ADRA1A: variants seen among roughly 807,000 people sequenced by gnomAD.
ADRA1A encodes the protein alpha-1A adrenergic receptor.
ADRA1A carries 31 observed loss-of-function variants against 29.6 expected under a neutral mutation model. The ratio of observed to expected loss-of-function variants is 1.05; its 90% CI spans 0.79 to 1.41. ADRA1A has a LOEUF of 1.41. Among genes scored for constraint, ADRA1A ranks in the 40% most tolerant of loss-of-function variants. The pLI is 0.00. For missense variants in ADRA1A, 619 were observed against 601.1 expected (o/e 1.03, Z -0.31); for synonymous variants, 311 against 254.3 (o/e 1.22, Z -2.12).
Position 26,770,764 on chromosome 8 carries a change from C to T in ADRA1A, c.884-98G>A, listed in dbSNP as rs1004322839. 169 of 1,455,398 alleles carry T rather than the reference C, an allele frequency of 1.2e-4. No individual in the cohort carries two copies. The East Asian group carries it at 2.1e-3, about 18-fold the overall frequency. The allele number at this position is 1,455,398 out of a possible 1,614,324, so 90.2% of individuals were successfully genotyped here. Reference sequence around the variant, plus strand: ...ACAGACATCTTTCTGTATTTTTAAACGGTTAAAATGATCCCAAACACATAT... The same window carrying T: ...ACAGACATCTTTCTGTATTTTTAAATGGTTAAAATGATCCCAAACACATAT... On this transcript the variant is annotated intron_variant, in intron 2 of 2. Transcript: ENST00000380573.
At position 26,775,180 on chromosome 8, in the gene ADRA1A, C is replaced by T. The variant is rs1303541778; in HGVS notation, c.884-4514G>A. Among the ~76,000 whole-genome samples, 1 of 152,116 alleles carries T rather than the reference C, an allele frequency of 6.6e-6. No homozygotes were observed. The highest frequency in any genetic ancestry group is 2.4e-5 in the African/African-American group (1 of 41,416). On this transcript the variant is annotated intron_variant, in intron 2 of 2. Coordinates refer to ENST00000380573, the MANE Select transcript of ADRA1A (RefSeq NM_000680.4). This position sits in a 1 kb window ranked among gnomAD's most constrained non-coding sequence, Gnocchi z 4.1. ...TCCTAGTTTTTGCTGCATGAATGGC[C>T]GACCTTCTGACAGACGGATGGACTG...
chr8:26,835,497 T>C (rs990633706), intron 2 of ADRA1A, among the ~76,000 whole-genome samples: 2 of 152,168 alleles, frequency 1.3e-5, no homozygotes, highest in Non-Finnish European at 2.9e-5. Flanking sequence ...AACACATCCT[T>C]CTTCACAGCG....
At chr8:26,829,181 G>A (rs1244669589) in intron 2 of ADRA1A, among the ~76,000 whole-genome samples, 1 of 151,998 alleles carries the variant, frequency 6.6e-6, no homozygotes, top group African/African-American at 2.4e-5. Flanking sequence ...ACAATGCTCG[G>A]GAGACTCACC....
chr8:26,801,094 G>A (rs186666428), intron 2 of ADRA1A, among the ~76,000 whole-genome samples: 1 of 152,004 alleles, frequency 6.6e-6, no homozygotes, highest in Non-Finnish European at 1.5e-5. Flanking sequence ...ATGATAAAAA[G>A]CCTCAAAAAA....
Position 26,866,260 on chromosome 8 carries a change from C to T in ADRA1A, c.-686-605G>A, listed in dbSNP as rs1043413800. On this transcript the variant is annotated intron_variant, in intron 1 of 2. Transcript: ENST00000380573. The surrounding 1 kb of genome is among the most constrained non-coding windows in gnomAD (Gnocchi z 5.7). ...TTGAGAGCCAGGTCCCGAGCGAAGC[C>T]GGGAGGGACCCGAAGACAGAAAGCG... Among the ~76,000 whole-genome samples, 1 of 151,864 alleles carries T rather than the reference C, an allele frequency of 6.6e-6. No homozygotes were observed. Among genetic ancestry groups the T allele is most frequent in the African/African-American group, 2.4e-5 (1 of 41,378 alleles).
intron 2 of ADRA1A, among the ~76,000 whole-genome samples, chr8:26,861,501 C>T (rs539483475): frequency 1.3e-5 from 2 of 152,036 alleles, no homozygotes; most frequent in Non-Finnish European, 2.9e-5. Flanking sequence ...TCTTGTCAAC[C>T]TCTCCATTCT....
downstream of ADRA1A, among the ~76,000 whole-genome samples, chr8:26,754,418 T>C (rs1805060246): frequency 6.6e-6 from 1 of 152,012 alleles, no homozygotes; most frequent in Non-Finnish European, 1.5e-5. Flanking sequence ...GTCGACCAAA[T>C]ACCAAACCTG....
intron 2 of ADRA1A, among the ~76,000 whole-genome samples, chr8:26,822,658 A>T (rs965527508): frequency 1.7e-4 from 26 of 152,358 alleles, no homozygotes; most frequent in African/African-American, 5.8e-4. Flanking sequence ...GATGGTTTAG[A>T]TACAGGCTGT....
At chr8:26,776,309 T>C (rs1263399598) in intron 2 of ADRA1A, among the ~76,000 whole-genome samples, 1 of 152,252 alleles carries the variant, frequency 6.6e-6, no homozygotes, top group Non-Finnish European at 1.5e-5. Context: ...AGCTGAAAGC[T>C]GTGAGTCAGT....
intron 2 of ADRA1A, among the ~76,000 whole-genome samples, chr8:26,826,378 G>A (rs115314478): frequency 0.056 from 8,590 of 152,286 alleles, 762 homozygotes; most frequent in African/African-American, 0.2. Context: ...GGCAATGGCA[G>A]GGTCACATTA....
chr8:26,818,169 G>T (rs557034334), intron 2 of ADRA1A, among the ~76,000 whole-genome samples: 30 of 152,312 alleles, frequency 2.0e-4, no homozygotes, highest in African/African-American at 6.5e-4. Flanking sequence ...AAGGATGGGG[G>T]TGGACAGACG....
chr8:26,761,659 G>T (rs1386384743), downstream of ADRA1A, among the ~76,000 whole-genome samples: 2 of 152,212 alleles, frequency 1.3e-5, no homozygotes, highest in African/African-American at 2.4e-5. Context: ...CTCCAGAATG[G>T]TGAGGCAATG....
Position 26,802,159 on chromosome 8 carries a change from G to A in ADRA1A, c.884-31493C>T, listed in dbSNP as rs535158256. 1.8e-4 allele frequency among the ~76,000 whole-genome samples: 27 copies of A among 152,172 alleles called. 1 individual carries two copies. In the South Asian group the frequency reaches 5.6e-3, roughly 32 times the overall value. On this transcript the variant is annotated intron_variant, in intron 2 of 2. Transcript: ENST00000380573. Reference sequence around the variant, plus strand: ...TCAGAGAAACTCTCCAGGACGTTGGGCTGGCATACATTTATTGAGTAATAT... The same window carrying A: ...TCAGAGAAACTCTCCAGGACGTTGGACTGGCATACATTTATTGAGTAATAT...
chr8:26,846,467 T>C (rs1179689946), intron 2 of ADRA1A, among the ~76,000 whole-genome samples: 1 of 152,138 alleles, frequency 6.6e-6, no homozygotes, highest in African/African-American at 2.4e-5. Flanking sequence ...ATTGTGACAC[T>C]ATGACAGAAA....
At position 26,806,386 on chromosome 8, in the gene ADRA1A, C is replaced by A. The variant is rs1808984586; in HGVS notation, c.884-35720G>T. 6.6e-6 allele frequency among the ~76,000 whole-genome samples: 1 copy of A among 151,684 alleles called. No homozygotes were observed. The highest frequency in any genetic ancestry group is 2.1e-4 in the South Asian group (1 of 4,794). On this transcript the variant is annotated intron_variant, in intron 2 of 2. Transcript: ENST00000380573. The surrounding 1 kb of genome is among the most constrained non-coding windows in gnomAD (Gnocchi z 4.6). ...AGCAGGGTGCAAAAAGCCCTTTATCCTGTTAATAGTGGCCTTAGGTAAGGA... is the reference window on the plus strand; with the variant it reads ...AGCAGGGTGCAAAAAGCCCTTTATCATGTTAATAGTGGCCTTAGGTAAGGA...
chr8:26,766,146 C>T (rs1438309457), downstream of ADRA1A: 1 of 1,602,760 alleles, frequency 6.2e-7, no homozygotes, highest in East Asian at 2.2e-5. Context: ...CAATCCATTC[C>T]CCTCTGTCCA....
rs35199156 is a variant in ADRA1A, at chr8:26,813,489, TATCCATCCATCCATCCATCCATCC to T, written c.884-42847_884-42824del. On this transcript the variant is annotated intron_variant, in intron 2 of 2. Transcript: ENST00000380573. ...AAGGGATCTTAATTCCTCTTGCATCTATCCATCCATCCATCCATCCATCCATCCATCCATCCATCCATCCACCTA... is the reference window on the plus strand; with the variant it reads ...AAGGGATCTTAATTCCTCTTGCATCTATCCATCCATCCATCCATCCACCTA... Among the ~76,000 whole-genome samples the T allele has an allele frequency of 2.9e-3, 433 of 149,932 alleles. 1 individual carries two copies. The highest frequency in any genetic ancestry group is 0.01 in the African/African-American group (407 of 40,346).
At position 26,823,572 on chromosome 8, in the gene ADRA1A, C is replaced by T. The variant is rs181740348; in HGVS notation, c.883+40515G>A. ...GGGACAAATGCACTGGTTCGGGGAG[C>T]GCTGGGCTAAGGATCAGGCTGCTTG... On this transcript the variant is annotated intron_variant, in intron 2 of 2. Transcript: ENST00000380573. This position sits in a 1 kb window ranked among gnomAD's most constrained non-coding sequence, Gnocchi z 4.2. Among the ~76,000 whole-genome samples the T allele has an allele frequency of 6.6e-4, 100 of 152,278 alleles. No homozygotes were observed. Among genetic ancestry groups the T allele is most frequent in the African/African-American group, 2.3e-3 (96 of 41,546 alleles).
chr8:26,855,766 A>G (rs1259482330), intron 2 of ADRA1A, among the ~76,000 whole-genome samples: 1 of 152,240 alleles, frequency 6.6e-6, no homozygotes, highest in Non-Finnish European at 1.5e-5. Context: ...GAAAAGAAAC[A>G]TTCAAATAGC....
Sources: gnomAD v4.1 joint callset for allele counts (sites outside exome capture counted in the v4.1 genomes callset) on GRCh38, gnomAD v4.1.1 for gene constraint, Gnocchi (gnomAD v3.1) non-coding constraint, MANE v1.5 for transcripts, NCBI Gene and HGNC (gene_info 2026-07-23, HGNC 2026-07-21) for gene names.